The following RANBP9 variants were observed in gnomAD, a reference collection of about 807,000 sequenced individuals.
The protein encoded by RANBP9 is ran-binding protein 9.
RANBP9 carries 15 observed loss-of-function variants against 84.3 expected under a neutral mutation model. The ratio of observed to expected loss-of-function variants is 0.18; its 90% CI spans 0.12 to 0.27. The LOEUF (loss-of-function observed/expected upper bound fraction) is 0.27. Among genes scored for constraint, RANBP9 ranks in the 10% least tolerant of loss-of-function variants. The pLI, the probability that RANBP9 is intolerant of heterozygous loss-of-function variation, is 1.00. For missense variants in RANBP9, 809 were observed against 912.8 expected (o/e 0.89, Z 1.46); for synonymous variants, 392 against 349.6 (o/e 1.12, Z -1.35).
At chr6:13,632,317 A>G in intron 12 of RANBP9, 53 bp downstream of exon 12, 1 of 1,560,552 alleles carries the variant, frequency 6.4e-7, no homozygotes, top group Non-Finnish European at 8.7e-7. Context: ...TCACAAAACT[A>G]CATTTTAGTT....
Position 13,711,378 on chromosome 6 carries a change from G to A in RANBP9, c.128C>T (p.Ala43Val), listed in dbSNP as rs1315723814. The change falls in exon 1 of 14, where the codon GCC (alanine) becomes GTC (valine). Residue 43 changes from alanine (A) to valine (V), a missense_variant. Ala to Val is a moderately conservative substitution (Grantham distance 64, BLOSUM62 0). Around this residue, in one of 5 missense-constraint regions of RANBP9, gnomAD observed 302 missense variants for 240.1 expected, o/e 1.26. Coordinates refer to ENST00000011619, the MANE Select transcript of RANBP9 (RefSeq NM_005493.3). ...GGGCGAGCCGGCCGGAGAAGAGCCG[G>A]CGCTGACGGCCGGGGGCGCCGGCAG... ...VVLPAPPAVS[A>V]GSSPAGSPGG... 1 of 1,169,518 alleles carries A rather than the reference G, an allele frequency of 8.6e-7. No individual in the cohort carries two copies. The highest frequency in any genetic ancestry group is 1.6e-5 in the African/African-American group (1 of 61,862). The allele number at this position is 1,169,518 out of a possible 1,614,324, so 72.4% of individuals were successfully genotyped here.
chr6:13,683,783 A>C (rs1184670847), intron 2 of RANBP9, among the ~76,000 whole-genome samples: 1 of 152,086 alleles, frequency 6.6e-6, no homozygotes, highest in Non-Finnish European at 1.5e-5. Flanking sequence ...CTTGGGAAAA[A>C]AAAAACACCT....
rs763891361 is a variant in RANBP9 at position 13,641,326 on chromosome 6, C to CA, written c.1226-20dup. On this transcript the variant is annotated intron_variant, in intron 7 of 13. Transcript: ENST00000011619. ...TGAATTCCTATTCAGTAAAAGAAAG[C>CA]AAACGATTAACTTTTACAAAAGTAG... 6.8e-7 allele frequency: 1 copy of CA among 1,468,528 alleles called. No individual in the cohort carries two copies. The highest frequency in any genetic ancestry group is 1.4e-5 in the African/African-American group (1 of 70,906). 91.0% of individuals were successfully genotyped at this position (1,468,528 alleles called of 1,614,324 possible).
chr6:13,688,228 A>G (rs1017823626), intron 2 of RANBP9, among the ~76,000 whole-genome samples: 19 of 152,232 alleles, frequency 1.2e-4, no homozygotes, highest in Non-Finnish European at 2.4e-4. Flanking sequence ...CATCTCCACT[A>G]TATTTCTCAA....
chr6:13,663,326 T>G (rs866134671), intron 2 of RANBP9, among the ~76,000 whole-genome samples: 1 of 152,094 alleles, frequency 6.6e-6, no homozygotes, highest in African/African-American at 2.4e-5. Context: ...AATGTTATTT[T>G]CAAGAGAAAT....
chr6:13,678,303 T>C (rs955527689), intron 2 of RANBP9, among the ~76,000 whole-genome samples: 2 of 152,220 alleles, frequency 1.3e-5, no homozygotes, highest in African/African-American at 2.4e-5. Context: ...CAAAGATTAT[T>C]AACACAGAAA....
chr6:13,660,395 G>C (rs1346044419), intron 2 of RANBP9, among the ~76,000 whole-genome samples: 1 of 152,048 alleles, frequency 6.6e-6, no homozygotes, highest in Non-Finnish European at 1.5e-5. Context: ...TGTGGTCCTA[G>C]CTATGTGGGG....
At chr6:13,690,023 TTTAC>T (rs1766287039) in intron 2 of RANBP9, among the ~76,000 whole-genome samples, 2 of 152,146 alleles carry the variant, frequency 1.3e-5, no homozygotes, top group Non-Finnish European at 2.9e-5. Context: ...ACCATCTAGG[TTTAC>T]ATAAGTACCC....
chr6:13,699,844 A>T (rs1015632171), intron 1 of RANBP9, among the ~76,000 whole-genome samples: 5 of 152,222 alleles, frequency 3.3e-5, no homozygotes, highest in African/African-American at 1.2e-4. Flanking sequence ...TGAGCAATAG[A>T]GTGAGACTCT....
chr6:13,632,265 C>G (rs1764808567), intron 12 of RANBP9, 105 bp downstream of exon 12: 1 of 1,174,976 alleles, frequency 8.5e-7, no homozygotes, highest in African/African-American at 1.5e-5. Context: ...AAGGTCAGGT[C>G]CCAGTTCCCT....
intron 5 of RANBP9, among the ~76,000 whole-genome samples, chr6:13,646,946 G>A (rs527781686): frequency 6.6e-5 from 10 of 152,216 alleles, no homozygotes; most frequent in South Asian, 6.2e-4. Flanking sequence ...TTTTTAATGC[G>A]CACTTAAAAA....
intron 13 of RANBP9, among the ~76,000 whole-genome samples, chr6:13,624,751 A>G (rs1007274322): frequency 1.3e-5 from 2 of 152,208 alleles, no homozygotes; most frequent in African/African-American, 4.8e-5. Context: ...ACCCCTGGCT[A>G]AGCCTCGCCT....
At chr6:13,644,425 A>G (rs1274626293) in intron 6 of RANBP9, 120 bp downstream of exon 6, 2 of 937,798 alleles carry the variant, frequency 2.1e-6, no homozygotes, top group East Asian at 5.8e-5. Flanking sequence ...AATCAATAAT[A>G]TAATAGATAT....
intron 2 of RANBP9, among the ~76,000 whole-genome samples, chr6:13,696,121 C>A (rs1180940729): frequency 6.6e-6 from 1 of 152,110 alleles, no homozygotes; most frequent in Non-Finnish European, 1.5e-5. Flanking sequence ...TCTCAAAATG[C>A]CTATCTTGCC....
chr6:13,658,952 A>T (rs1218124546), intron 2 of RANBP9, 120 bp from the exon 3 acceptor site: 8 of 892,842 alleles, frequency 9.0e-6, no homozygotes, highest in African/African-American at 1.7e-5. Flanking sequence ...CTAAGGTAGC[A>T]ACAAAAATTT....
chr6:13,633,834 T>C (rs146522535), intron 11 of RANBP9, among the ~76,000 whole-genome samples: 4 of 152,282 alleles, frequency 2.6e-5, no homozygotes, highest in Admixed American at 6.5e-5. Flanking sequence ...CACTCTCCAT[T>C]TGATGGGATA....
chr6:13,638,463 T>G (rs974903305), intron 9 of RANBP9, among the ~76,000 whole-genome samples: 9 of 152,120 alleles, frequency 5.9e-5, no homozygotes, highest in South Asian at 4.1e-4. Context: ...TTAAGAATGT[T>G]AAATGTACAA....
At chr6:13,657,068 C>A in intron 4 of RANBP9, 41 bp downstream of exon 4, 1 of 1,505,316 alleles carries the variant, frequency 6.6e-7, no homozygotes, top group South Asian at 1.3e-5. Context: ...ATAATAATCT[C>A]CATATTTGGT....
intron 2 of RANBP9, among the ~76,000 whole-genome samples, chr6:13,686,367 C>T (rs530345316): frequency 1.3e-5 from 2 of 152,050 alleles, no homozygotes; most frequent in Admixed American, 1.3e-4. Context: ...CTCACTACAG[C>T]CTCTGCCTCC....
Sources: allele counts gnomAD v4.1 joint callset (sites outside exome capture counted in the v4.1 genomes callset), GRCh38; gene constraint gnomAD v4.1.1; regional missense constraint gnomAD v4.1.1; transcripts MANE v1.5; gene names NCBI Gene and HGNC (gene_info 2026-07-23, HGNC 2026-07-21).